Variants in TAOK3 observed in about 807,000 individuals in gnomAD.
TAOK3 encodes the protein TAO kinase 3.
TAOK3 carries 40 observed loss-of-function variants against 120.4 expected under a neutral mutation model. That is an observed-to-expected ratio of 0.33 (90% CI 0.26 to 0.43). The LOEUF (loss-of-function observed/expected upper bound fraction) is 0.43. Ranked by LOEUF, TAOK3 falls within the 20% of genes least tolerant of loss-of-function variation. TAOK3 has a pLI of 1.00. For missense variants in TAOK3, 821 were observed against 1,112.1 expected (o/e 0.74, Z 3.72); for synonymous variants, 355 against 387.5 (o/e 0.92, Z 0.99).
chr12:118,302,622 C>T (rs1566087990), intron 1 of TAOK3, among the ~76,000 whole-genome samples: 1 of 151,766 alleles, frequency 6.6e-6, no homozygotes, highest in Non-Finnish European at 1.5e-5. Context: ...TTAATTGTGG[C>T]AAAGCAAAAA....
intron 2 of TAOK3, among the ~76,000 whole-genome samples, chr12:118,258,545 C>T (rs138347975): frequency 0.054 from 8,182 of 152,004 alleles, 450 homozygotes; most frequent in East Asian, 0.25. Context: ...AACCCCATCT[C>T]TACTAAAAAA....
Position 118,246,282 on chromosome 12 carries a change from G to T in TAOK3, c.121-1317C>A. The T allele has an allele frequency of 1.9e-6, 3 of 1,547,814 alleles. No homozygotes were observed. In the South Asian group the frequency reaches 3.4e-5, roughly 18 times the overall value. ...GGAGTGGATGCCCGTCACCAAGTTG[G>T]GCCGCTTGGTCAAGGACATGAAGAT... is the stretch of plus-strand genomic sequence containing the variant. On this transcript the variant is annotated intron_variant, in intron 3 of 20. Coordinates refer to ENST00000392533, the MANE Select transcript of TAOK3 (RefSeq NM_016281.4).
At chr12:118,202,762 T>A (rs1476377478) in intron 11 of TAOK3, among the ~76,000 whole-genome samples, 2 of 149,644 alleles carry the variant, frequency 1.3e-5, no homozygotes, top group Non-Finnish European at 1.5e-5. Context: ...CAATGCATAG[T>A]ATAGTCTATT....
chr12:118,292,244 A>G (rs2042512603), intron 1 of TAOK3, among the ~76,000 whole-genome samples: 1 of 152,210 alleles, frequency 6.6e-6, no homozygotes, highest in Non-Finnish European at 1.5e-5. Flanking sequence ...AATATCACTT[A>G]CATTGATTTA....
At chr12:118,235,798 G>T (rs1565991814) in intron 7 of TAOK3, 127 bp from the exon 8 acceptor site, 1 of 626,054 alleles carries the variant, frequency 1.6e-6, no homozygotes, top group Non-Finnish European at 2.7e-6. Flanking sequence ...AACAAACCTT[G>T]CTCAGATAGC....
chr12:118,184,186 A>G (rs2036937224), intron 14 of TAOK3, among the ~76,000 whole-genome samples: 1 of 152,192 alleles, frequency 6.6e-6, no homozygotes, highest in African/African-American at 2.4e-5. Flanking sequence ...AACTCCTAAT[A>G]TCACCTTTCA....
chr12:118,366,871 C>G (rs566693085), intron 1 of TAOK3, among the ~76,000 whole-genome samples: 1 of 152,294 alleles, frequency 6.6e-6, no homozygotes, highest in Admixed American at 6.5e-5. Context: ...GGGCGGATCA[C>G]TTGAGGCCAG....
chr12:118,320,043 A>G (rs2043635859), intron 1 of TAOK3, among the ~76,000 whole-genome samples: 3 of 152,242 alleles, frequency 2.0e-5, no homozygotes, highest in South Asian at 4.1e-4. Context: ...AAGTACTGAT[A>G]GATGTTACAG....
intron 9 of TAOK3, among the ~76,000 whole-genome samples, chr12:118,230,718 C>A (rs561034303): frequency 6.6e-6 from 1 of 152,178 alleles, no homozygotes; most frequent in South Asian, 2.1e-4. Flanking sequence ...ATCCGCCCGC[C>A]TCGGCCTCCC....
intron 1 of TAOK3, among the ~76,000 whole-genome samples, chr12:118,268,187 T>C (rs1382433944): frequency 1.3e-5 from 2 of 152,230 alleles, no homozygotes; most frequent in African/African-American, 4.8e-5. Context: ...ACCAAGGCTG[T>C]ATTCAACCTT....
intron 19 of TAOK3, among the ~76,000 whole-genome samples, chr12:118,156,635 C>T (rs543375571): frequency 6.6e-6 from 1 of 152,308 alleles, no homozygotes; most frequent in Admixed American, 6.5e-5. Flanking sequence ...CTCTCAGGCT[C>T]CCCGCAGCCA....
chr12:118,291,319 G>A (rs2042469779), intron 1 of TAOK3, among the ~76,000 whole-genome samples: 1 of 151,054 alleles, frequency 6.6e-6, no homozygotes, highest in African/African-American at 2.4e-5. Flanking sequence ...ACCATGCCCA[G>A]CTAATTTTTT....
At chr12:118,262,014 C>T (rs984180540) in intron 2 of TAOK3, among the ~76,000 whole-genome samples, 1 of 152,120 alleles carries the variant, frequency 6.6e-6, no homozygotes, top group Non-Finnish European at 1.5e-5. Context: ...GCATGCACCA[C>T]TATGTCTGAC....
chr12:118,259,557 A>C (rs1020282102), intron 2 of TAOK3, among the ~76,000 whole-genome samples: 3 of 152,178 alleles, frequency 2.0e-5, no homozygotes, highest in African/African-American at 7.2e-5. Flanking sequence ...AAACAAACAA[A>C]AAAAGCACTG....
chr12:118,261,890 G>T (rs943103569), intron 2 of TAOK3, among the ~76,000 whole-genome samples: 12 of 151,640 alleles, frequency 7.9e-5, no homozygotes, highest in Admixed American at 7.2e-4. Context: ...GTCTTACTCT[G>T]CCCTCTGTCA....
intron 1 of TAOK3, among the ~76,000 whole-genome samples, chr12:118,309,012 T>A (rs1337616535): frequency 6.6e-6 from 1 of 151,092 alleles, no homozygotes; most frequent in Non-Finnish European, 1.5e-5. Context: ...TAAAACATTT[T>A]CTTTCCCCTC....
At chr12:118,330,874 T>C (rs950589552) in intron 1 of TAOK3, among the ~76,000 whole-genome samples, 7 of 152,112 alleles carry the variant, frequency 4.6e-5, no homozygotes, top group African/African-American at 1.7e-4. Context: ...ATGAGGTTCA[T>C]AAGTCTGAAA....
intron 2 of TAOK3, among the ~76,000 whole-genome samples, chr12:118,259,273 C>T (rs766019215): frequency 3.3e-5 from 5 of 152,134 alleles, no homozygotes; most frequent in South Asian, 4.1e-4. Flanking sequence ...AGGCCAGCCA[C>T]GGTGACTCAT....
intron 2 of TAOK3, among the ~76,000 whole-genome samples, chr12:118,259,284 G>A (rs1408384107): frequency 2.6e-5 from 4 of 152,140 alleles, no homozygotes; most frequent in South Asian, 2.1e-4. Flanking sequence ...GGTGACTCAT[G>A]TCTGTAATCC....
Sources: gnomAD v4.1 joint callset for allele counts (sites outside exome capture counted in the v4.1 genomes callset) on GRCh38, gnomAD v4.1.1 for gene constraint, MANE v1.5 for transcripts, NCBI Gene and HGNC (gene_info 2026-07-23, HGNC 2026-07-21) for gene names.